NRXN3: variants seen among roughly 807,000 people sequenced by gnomAD.
NRXN3 encodes the protein neurexin 3, also known as neurexin III.
In NRXN3, 32 loss-of-function variants were observed where a neutral mutation model predicts 137.6. The observed-to-expected ratio is 0.23, with a 90% CI of 0.18 to 0.31. The LOEUF is 0.31. Among genes scored for constraint, NRXN3 ranks in the 10% least tolerant of loss-of-function variants. NRXN3 has a pLI of 1.00. For missense variants in NRXN3, 1,574 were observed against 2,062.5 expected, an observed-to-expected ratio of 0.76 and a Z score of 4.59; for synonymous variants, 798 against 784.5, an observed-to-expected ratio of 1.02 and a Z score of -0.29.
At chr14:79,699,613 TC>T (rs2098747439) in intron 19 of NRXN3, among the ~76,000 whole-genome samples, 1 of 152,018 alleles carries the variant, frequency 6.6e-6, no homozygotes, top group South Asian at 2.1e-4. Flanking sequence ...CTGAACTCTT[TC>T]CGCAAATTAA....
chr14:78,945,331 C>T (rs1290630131), intron 10 of NRXN3, among the ~76,000 whole-genome samples: 1 of 152,014 alleles, frequency 6.6e-6, no homozygotes, highest in Non-Finnish European at 1.5e-5. Flanking sequence ...TTTCTTATCT[C>T]ATTTTATCTG....
At chr14:78,532,150 C>CA (rs386381910) in intron 4 of NRXN3, among the ~76,000 whole-genome samples, 9,543 of 121,244 alleles carry the variant, frequency 0.079, 408 homozygotes, top group African/African-American at 0.13. Flanking sequence ...ACTAAAAATA[C>CA]AAAAAAAAAA....
chr14:79,247,759 T>C (rs2075387908), intron 15 of NRXN3, among the ~76,000 whole-genome samples: 1 of 152,160 alleles, frequency 6.6e-6, no homozygotes, highest in Admixed American at 6.6e-5. Flanking sequence ...AAGCTTCTTT[T>C]ATTTTTTAAC....
chr14:79,246,406 AT>A lies in NRXN3; in HGVS notation c.3263-220813del, dbSNP rs547925325. Among the ~76,000 whole-genome samples the A allele has an allele frequency of 2.6e-5, 4 of 152,118 alleles. No homozygotes were observed. The South Asian group carries it at 8.3e-4, about 32-fold the overall frequency. On this transcript the variant is annotated intron_variant, in intron 15 of 20. Transcript: ENST00000335750. ...CCCTTAGTGGAATTGTTTGGTACAA[AT>A]TGTGGTGGCATTGACTCTGTCCGAG...
chr14:79,248,369 T>C (rs2075488613), intron 15 of NRXN3, among the ~76,000 whole-genome samples: 1 of 152,194 alleles, frequency 6.6e-6, no homozygotes, highest in African/African-American at 2.4e-5. Context: ...TTGCCCATGC[T>C]GGGTCCCCTT....
chr14:78,376,003 T>TAC (rs10623539), intron 4 of NRXN3, among the ~76,000 whole-genome samples: 56,300 of 146,546 alleles, frequency 0.38, 11,040 homozygotes, highest in Admixed American at 0.44. Flanking sequence ...TCCTCCTTGA[T>TAC]ACACACACAC....
chr14:79,723,031 G>A (rs12586263), intron 19 of NRXN3, among the ~76,000 whole-genome samples: 19,892 of 152,026 alleles, frequency 0.13, 1,448 homozygotes, highest in Middle Eastern at 0.21. Flanking sequence ...CATTTATGTC[G>A]ATACTACCCA....
intron 2 of NRXN3, among the ~76,000 whole-genome samples, chr14:78,277,111 C>T (rs1482556760): frequency 2.0e-5 from 3 of 152,150 alleles, no homozygotes; most frequent in African/African-American, 7.2e-5. Context: ...TAGAGAAGTG[C>T]TCAGCTGTTG....
chr14:79,759,210 A>AAAAT, intron 19 of NRXN3, among the ~76,000 whole-genome samples: 1 of 151,944 alleles, frequency 6.6e-6, no homozygotes, highest in African/African-American at 2.4e-5. Flanking sequence ...ACTTCTTGTT[A>AAAAT]TAACTGGGTA....
intron 8 of NRXN3, among the ~76,000 whole-genome samples, chr14:78,726,515 CT>C (rs71452901): frequency 0.14 from 13,908 of 102,146 alleles, 634 homozygotes; most frequent in African/African-American, 0.26. Flanking sequence ...ACCATTTTAG[CT>C]TTTTTTTTTT....
chr14:79,028,687 GTGGA>G (rs1348785241), intron 15 of NRXN3, among the ~76,000 whole-genome samples: 13 of 152,268 alleles, frequency 8.5e-5, no homozygotes, highest in Admixed American at 8.5e-4. Context: ...GGTTTCTACA[GTGGA>G]GGAGAGTCAT....
intron 19 of NRXN3, among the ~76,000 whole-genome samples, chr14:79,711,781 C>T (rs1013468257): frequency 3.9e-5 from 6 of 152,206 alleles, no homozygotes; most frequent in African/African-American, 1.4e-4. Context: ...AGGTCAAGCC[C>T]CTTCCTGAAG....
intron 15 of NRXN3, among the ~76,000 whole-genome samples, chr14:79,330,120 G>T (rs1448175039): frequency 6.6e-6 from 1 of 151,974 alleles, no homozygotes; most frequent in Non-Finnish European, 1.5e-5. Flanking sequence ...GTGAGCCACC[G>T]TGCCTCGCCC....
At chr14:78,659,853 AAGAG>A (rs1189086734) in intron 6 of NRXN3, among the ~76,000 whole-genome samples, 3 of 152,272 alleles carry the variant, frequency 2.0e-5, no homozygotes, top group Non-Finnish European at 4.4e-5. Context: ...GTGGGCAGGA[AAGAG>A]AGAGAGAAAG....
chr14:78,978,819 T>C (rs2099479516), intron 14 of NRXN3, among the ~76,000 whole-genome samples: 1 of 150,460 alleles, frequency 6.6e-6, no homozygotes, highest in Admixed American at 6.7e-5. Context: ...AGGAATTGGC[T>C]CACATGATTA....
intron 16 of NRXN3, among the ~76,000 whole-genome samples, chr14:79,582,425 AATT>A (rs2097725043): frequency 6.7e-6 from 1 of 149,186 alleles, no homozygotes; most frequent in Non-Finnish European, 1.5e-5. Flanking sequence ...TTGCTTTTAT[AATT>A]ATTATTTTTT....
At chr14:78,389,071 T>G (rs1467196329) in intron 4 of NRXN3, among the ~76,000 whole-genome samples, 17 of 110,924 alleles carry the variant, frequency 1.5e-4, no homozygotes, top group Non-Finnish European at 1.9e-5. Flanking sequence ...TTTTTTTTTT[T>G]GTTTGAGACG....
At chr14:78,375,909 C>A (rs1186422691) in intron 4 of NRXN3, among the ~76,000 whole-genome samples, 1 of 151,928 alleles carries the variant, frequency 6.6e-6, no homozygotes, top group Non-Finnish European at 1.5e-5. Flanking sequence ...TCATGACTCC[C>A]AAGGAACCCT....
intron 6 of NRXN3, among the ~76,000 whole-genome samples, chr14:78,683,428 G>C (rs147458840): frequency 1.5e-3 from 229 of 152,302 alleles, no homozygotes; most frequent in African/African-American, 5.4e-3. Flanking sequence ...TGAGTTACGA[G>C]ATCAGAGCAA....
Sources: gnomAD v4.1 joint callset for allele counts (sites outside exome capture counted in the v4.1 genomes callset) on GRCh38, gnomAD v4.1.1 for gene constraint, MANE v1.5 for transcripts, NCBI Gene and HGNC (gene_info 2026-07-23, HGNC 2026-07-21) for gene names.